The following PPP2R2A variants were observed in gnomAD, a reference collection of about 807,000 sequenced individuals.
PPP2R2A encodes protein phosphatase 2 regulatory subunit Balpha.
Under a neutral mutation model 53.2 loss-of-function variants are expected in PPP2R2A, and 9 were observed. The observed-to-expected ratio is 0.17, with a 90% CI of 0.10 to 0.30. PPP2R2A has a LOEUF of 0.30. Ranked by LOEUF, PPP2R2A falls within the 10% of genes least tolerant of loss-of-function variation. The pLI, the probability that PPP2R2A is intolerant of heterozygous loss-of-function variation, is 1.00. For synonymous variants in PPP2R2A, 169 were observed against 174.2 expected, an observed-to-expected ratio of 0.97 and a Z score of 0.23; for missense variants, 235 against 534.6, an observed-to-expected ratio of 0.44 and a Z score of 5.53.
At chr8:26,296,335 T>G (rs776615254) in intron 2 of PPP2R2A, among the ~76,000 whole-genome samples, 7 of 152,234 alleles carry the variant, frequency 4.6e-5, no homozygotes, top group Non-Finnish European at 7.3e-5. Context: ...GCTCTCAGTT[T>G]ATTTGCTGCT....
At chr8:26,364,258 C>T (rs1306590634) in intron 8 of PPP2R2A, among the ~76,000 whole-genome samples, 1 of 152,124 alleles carries the variant, frequency 6.6e-6, no homozygotes, top group Non-Finnish European at 1.5e-5. Context: ...TGCACCTGCT[C>T]AGGTTGTGGG....
At chr8:26,366,724 G>T (rs13264882) in intron 9 of PPP2R2A, among the ~76,000 whole-genome samples, 110,849 of 151,922 alleles carry the variant, frequency 0.73, 40,708 homozygotes, top group East Asian at 0.88. Context: ...TTAAACTGTT[G>T]CAGAAACATT....
chr8:26,369,484 G>A (rs369538915), intron 9 of PPP2R2A, among the ~76,000 whole-genome samples: 9 of 151,896 alleles, frequency 5.9e-5, no homozygotes, highest in East Asian at 2.0e-4. Flanking sequence ...TCCACCTCCC[G>A]GGTTCACACC....
intron 3 of PPP2R2A, among the ~76,000 whole-genome samples, chr8:26,341,820 GGAA>G (rs1803957667): frequency 6.6e-6 from 1 of 152,136 alleles, no homozygotes; most frequent in African/African-American, 2.4e-5. Context: ...GTCTTTACTT[GGAA>G]GAAGAAGAGA....
intron 3 of PPP2R2A, among the ~76,000 whole-genome samples, chr8:26,341,542 A>C (rs1045873627): frequency 6.6e-6 from 1 of 152,226 alleles, no homozygotes; most frequent in Non-Finnish European, 1.5e-5. Flanking sequence ...ATAAAATCCA[A>C]ATTATTTAAC....
At position 26,360,050 on chromosome 8, in the gene PPP2R2A, AG is replaced by A. The variant is rs1228750381; in HGVS notation, c.347-116del. ...GGAAATTTTTTAGTAAGTTCAGATT[AG>A]GGTTTTTTTTTTTTTCGTGGAATCC... On this transcript the variant is annotated intron_variant, in intron 4 of 9. Coordinates refer to ENST00000380737, the MANE Select transcript of PPP2R2A (RefSeq NM_002717.4). This position sits in a 1 kb window ranked among gnomAD's most constrained non-coding sequence, Gnocchi z 4.5. 3 of 524,650 alleles carry A rather than the reference AG, an allele frequency of 5.7e-6. No homozygotes were observed. The highest frequency in any genetic ancestry group is 2.4e-5 in the South Asian group (1 of 41,634). 32.5% of individuals were successfully genotyped at this position (524,650 alleles called of 1,614,324 possible).
intron 4 of PPP2R2A, among the ~76,000 whole-genome samples, chr8:26,357,034 A>C (rs1022461408): frequency 2.0e-5 from 3 of 152,216 alleles, no homozygotes; most frequent in African/African-American, 7.2e-5. Context: ...GCATTTTTTA[A>C]TGCTAAAATA....
rs1251972367 is a variant in PPP2R2A at position 26,370,745 on chromosome 8, C to T, written c.*332C>T. On this transcript the variant is annotated 3_prime_UTR_variant, in exon 10 of 10. Coordinates refer to ENST00000380737, the MANE Select transcript of PPP2R2A (RefSeq NM_002717.4). The surrounding 1 kb of genome is among the most constrained non-coding windows in gnomAD (Gnocchi z 6.1). ...CCTTCCATTGTGATGACGTCAAACA[C>T]AGTGAAAGCCTTCAGTCATGCTATG... 4 of 308,632 alleles carry T rather than the reference C, an allele frequency of 1.3e-5. No individual in the cohort carries two copies. Among genetic ancestry groups the T allele is most frequent in the Non-Finnish European group, 2.5e-5 (4 of 161,110 alleles). 19.1% of individuals were successfully genotyped at this position (308,632 alleles called of 1,614,324 possible). A position where few individuals can be genotyped will look rare whatever the true frequency, so the allele number is the denominator to read the frequency against.
rs1484737487 is a variant in PPP2R2A at position 26,371,659 on chromosome 8, T to C, written c.*1246T>C. Reference sequence around the variant, plus strand: ...TATCAAATCAGAATGAAATATACTTTACCATAGATATTTTTCTTCTATTTT... The same window carrying C: ...TATCAAATCAGAATGAAATATACTTCACCATAGATATTTTTCTTCTATTTT... On this transcript the variant is annotated 3_prime_UTR_variant, in exon 10 of 10. Coordinates refer to ENST00000380737, the MANE Select transcript of PPP2R2A (RefSeq NM_002717.4). 6.6e-6 allele frequency: 1 copy of C among 152,244 alleles called. No individual in the cohort carries two copies. The highest frequency in any genetic ancestry group is 1.5e-5 in the Non-Finnish European group (1 of 68,042). The allele number at this position is 152,244 out of a possible 1,614,324, so 9.4% of individuals were successfully genotyped here. A position where few individuals can be genotyped will look rare whatever the true frequency, so the allele number is the denominator to read the frequency against.
At chr8:26,361,629 T>C (rs1201135994) in intron 6 of PPP2R2A, among the ~76,000 whole-genome samples, 1 of 152,006 alleles carries the variant, frequency 6.6e-6, no homozygotes, top group African/African-American at 2.4e-5. Flanking sequence ...TTTCTTCTAA[T>C]CAAATGTATG....
Position 26,354,819 on chromosome 8 carries a change from T to C in PPP2R2A, c.346+186T>C, listed in dbSNP as rs1804688541. Among the ~76,000 whole-genome samples, 1 of 152,206 alleles carries C rather than the reference T, an allele frequency of 6.6e-6. No homozygotes were observed. The highest frequency in any genetic ancestry group is 1.5e-5 in the Non-Finnish European group (1 of 68,036). On this transcript the variant is annotated intron_variant, in intron 4 of 9. Coordinates refer to ENST00000380737, the MANE Select transcript of PPP2R2A (RefSeq NM_002717.4). The surrounding 1 kb of genome is among the most constrained non-coding windows in gnomAD (Gnocchi z 4.6). ...TTAGATTCTCTGAAAGATTCTCTGA[T>C]AGCAATTTTTTGTTTACTACACCTC...
chr8:26,320,323 C>G (rs550225184), intron 2 of PPP2R2A, among the ~76,000 whole-genome samples: 45 of 152,190 alleles, frequency 3.0e-4, no homozygotes, highest in South Asian at 4.1e-4. Flanking sequence ...TCAGCAAATA[C>G]GTTGCTGCCT....
At chr8:26,323,200 C>G (rs1241336102) in intron 2 of PPP2R2A, among the ~76,000 whole-genome samples, 1 of 152,180 alleles carries the variant, frequency 6.6e-6, no homozygotes, top group Non-Finnish European at 1.5e-5. Context: ...GCTGATGATA[C>G]CCTAATTATA....
At chr8:26,355,334 T>G (rs1156661475) in intron 4 of PPP2R2A, among the ~76,000 whole-genome samples, 1 of 152,154 alleles carries the variant, frequency 6.6e-6, no homozygotes, top group Non-Finnish European at 1.5e-5. Context: ...CACAGCTCAC[T>G]GCAGCCTCGA....
chr8:26,349,131 A>G (rs1053054870), intron 3 of PPP2R2A, among the ~76,000 whole-genome samples: 4 of 152,216 alleles, frequency 2.6e-5, no homozygotes, highest in Admixed American at 6.5e-5. Flanking sequence ...TACCAGTAGT[A>G]TGTGACTTTG....
intron 2 of PPP2R2A, among the ~76,000 whole-genome samples, chr8:26,335,136 G>A (rs1017893493): frequency 2.0e-5 from 3 of 152,156 alleles, no homozygotes; most frequent in Admixed American, 6.5e-5. Flanking sequence ...TGGCACATAC[G>A]GTACAAAGCT....
Position 26,360,064 on chromosome 8 carries a change from T to C in PPP2R2A, c.347-105T>C. ...AAGTTCAGATTAGGGTTTTTTTTTT[T>C]TTCGTGGAATCCTTTTACGTGAAAT... is the stretch of plus-strand genomic sequence containing the variant. On this transcript the variant is annotated intron_variant, in intron 4 of 9. Coordinates refer to ENST00000380737, the MANE Select transcript of PPP2R2A (RefSeq NM_002717.4). The surrounding 1 kb of genome is among the most constrained non-coding windows in gnomAD (Gnocchi z 4.5). 1 of 607,430 alleles carries C rather than the reference T, an allele frequency of 1.6e-6. No individual in the cohort carries two copies. The highest frequency in any genetic ancestry group is 2.4e-5 in the South Asian group (1 of 42,014). 37.6% of individuals were successfully genotyped at this position (607,430 alleles called of 1,614,324 possible). A position where few individuals can be genotyped will look rare whatever the true frequency, so the allele number is the denominator to read the frequency against.
At chr8:26,329,466 T>TAA (rs1159296167) in intron 2 of PPP2R2A, among the ~76,000 whole-genome samples, 1 of 152,206 alleles carries the variant, frequency 6.6e-6, no homozygotes, top group Non-Finnish European at 1.5e-5. Context: ...TTATGACTGT[T>TAA]ACATTCTCAC....
chr8:26,305,899 C>G (rs1457803888), intron 2 of PPP2R2A, among the ~76,000 whole-genome samples: 1 of 152,100 alleles, frequency 6.6e-6, no homozygotes, highest in African/African-American at 2.4e-5. Flanking sequence ...AGGTCTAAGA[C>G]CATAAATTTG....
Sources: gnomAD v4.1 joint callset for allele counts (sites outside exome capture counted in the v4.1 genomes callset) on GRCh38, gnomAD v4.1.1 for gene constraint, Gnocchi (gnomAD v3.1) non-coding constraint, MANE v1.5 for transcripts, NCBI Gene and HGNC (gene_info 2026-07-23, HGNC 2026-07-21) for gene names.